Variants in PFKFB3 observed in about 807,000 individuals in gnomAD.
The protein encoded by PFKFB3 is 6-phosphofructo-2-kinase/fructose-2,6-bisphosphatase 3.
PFKFB3 carries 33 observed loss-of-function variants against 68.0 expected under a neutral mutation model. The observed-to-expected ratio is 0.49, with a 90% CI of 0.37 to 0.65. The LOEUF (loss-of-function observed/expected upper bound fraction) is 0.65, where lower values mean the gene tolerates loss of function less well. Ranked by LOEUF, PFKFB3 falls within the 30% of genes least tolerant of loss-of-function variation. PFKFB3 has a pLI of 0.00. For missense variants in PFKFB3, 586 were observed against 712.2 expected, an observed-to-expected ratio of 0.82 and a Z score of 2.02; for synonymous variants, 315 against 288.2, an observed-to-expected ratio of 1.09 and a Z score of -0.94.
chr10:6,308,042 T>C, the PFKFB3 span, among the ~76,000 whole-genome samples: 18 of 152,240 alleles, frequency 1.2e-4, no homozygotes, highest in African/African-American at 3.9e-4. Flanking sequence ...GGCACCTTCA[T>C]ATGGGACTTC....
the PFKFB3 span, among the ~76,000 whole-genome samples, chr10:6,287,778 C>T: frequency 2.6e-4 from 40 of 152,024 alleles, no homozygotes; most frequent in African/African-American, 9.4e-4. Context: ...TACATTATTA[C>T]TATTATTATT....
intron 1 of PFKFB3, among the ~76,000 whole-genome samples, chr10:6,176,684 C>T (rs1842484333): frequency 6.6e-6 from 1 of 152,202 alleles, no homozygotes; most frequent in Non-Finnish European, 1.5e-5. Flanking sequence ...CCACACCCGG[C>T]CTCCATGTTA....
At chr10:6,166,117 T>A (rs146582915) in intron 1 of PFKFB3, among the ~76,000 whole-genome samples, 1,632 of 152,104 alleles carry the variant, frequency 0.011, 67 homozygotes, top group East Asian at 0.098. Context: ...GTAGCTGGGA[T>A]TACAGGTGCC....
At chr10:6,163,525 A>AG (rs1335824232) in intron 1 of PFKFB3, among the ~76,000 whole-genome samples, 2 of 151,938 alleles carry the variant, frequency 1.3e-5, no homozygotes, top group Non-Finnish European at 2.9e-5. Flanking sequence ...GCTGGGAGGT[A>AG]GGGGGGCCAG....
At chr10:6,298,372 C>CT in the PFKFB3 span, among the ~76,000 whole-genome samples, 8 of 139,656 alleles carry the variant, frequency 5.7e-5, no homozygotes, top group African/African-American at 1.1e-4. Flanking sequence ...GTTCAGGGCA[C>CT]TTTTTTTTTT....
At chr10:6,180,707 C>T (rs1175763440) in intron 1 of PFKFB3, among the ~76,000 whole-genome samples, 1 of 152,162 alleles carries the variant, frequency 6.6e-6, no homozygotes, top group Non-Finnish European at 1.5e-5. Context: ...TCAAGCAGTC[C>T]TCTCACCTCA....
chr10:6,220,214 G>GC lies in PFKFB3; in HGVS notation c.624-442dup, dbSNP rs34239981. 0.17 allele frequency among the ~76,000 whole-genome samples: 25,237 copies of GC among 151,744 alleles called. 2,454 individuals are homozygous for GC. The highest frequency in any genetic ancestry group is 0.26 in the African/African-American group (10,756 of 41,312). On this transcript the variant is annotated intron_variant, in intron 7 of 14. Transcript: ENST00000379775. The surrounding 1 kb of genome is among the most constrained non-coding windows in gnomAD (Gnocchi z 4.1). ...ACTTCTGGGCTCAAGTAATCCTACC[G>GC]CCTCAGCCTCATGAGTAACTGGGAC...
chr10:6,270,508 C>T, the PFKFB3 span, among the ~76,000 whole-genome samples: 2 of 152,292 alleles, frequency 1.3e-5, no homozygotes, highest in South Asian at 4.1e-4. Flanking sequence ...TCTTGCCTGT[C>T]TCTCTAGCCT....
chr10:6,277,504 A>G, the PFKFB3 span, among the ~76,000 whole-genome samples: 5 of 152,274 alleles, frequency 3.3e-5, no homozygotes, highest in African/African-American at 9.6e-5. Context: ...TACAGGTGTG[A>G]GCCACCACAC....
intron 1 of PFKFB3, among the ~76,000 whole-genome samples, chr10:6,145,282 G>A (rs1841343620): frequency 6.6e-6 from 1 of 150,806 alleles, no homozygotes; most frequent in African/African-American, 2.4e-5. Flanking sequence ...CTCCGGCCTC[G>A]CGTCTCCTTT....
At chr10:6,297,581 A>G in the PFKFB3 span, among the ~76,000 whole-genome samples, 1 of 152,070 alleles carries the variant, frequency 6.6e-6, no homozygotes, top group African/African-American at 2.4e-5. Context: ...GAGGGAAGCA[A>G]GACGTTTACT....
rs770743591 is a variant in PFKFB3 at position 6,229,143 on chromosome 10, G to C, written c.1515+2778G>C. 2.0e-6 allele frequency: 1 copy of C among 512,376 alleles called. No individual in the cohort carries two copies. Among genetic ancestry groups the C allele is most frequent in the Non-Finnish European group, 4.0e-6 (1 of 249,540 alleles). 31.7% of individuals were successfully genotyped at this position (512,376 alleles called of 1,614,324 possible). On this transcript the variant is annotated intron_variant, in intron 14 of 14. Coordinates refer to ENST00000379775, the MANE Select transcript of PFKFB3 (RefSeq NM_004566.4). The surrounding 1 kb of genome is among the most constrained non-coding windows in gnomAD (Gnocchi z 4.3). Reference sequence around the variant, plus strand: ...AGGTGTGATGAGGAATGCAGCCTGAGATGCTGAAAAGAATGACTGGCTTTG... The same window carrying C: ...AGGTGTGATGAGGAATGCAGCCTGACATGCTGAAAAGAATGACTGGCTTTG...
At position 6,230,865 on chromosome 10, in the gene PFKFB3, G is replaced by A. The variant is rs185598654; in HGVS notation, c.1516-2030G>A. Among the ~76,000 whole-genome samples, 265 of 152,156 alleles carry A rather than the reference G, an allele frequency of 1.7e-3. 1 individual carries two copies. Among genetic ancestry groups the A allele is most frequent in the African/African-American group, 6.1e-3 (255 of 41,508 alleles). On this transcript the variant is annotated intron_variant, in intron 14 of 14. Transcript: ENST00000379775. ...CGAGTAGCTGGGATTACAGGCGCCCGCCACCATGCCCGGCTAATGTTTGTA... is the reference window on the plus strand; with the variant it reads ...CGAGTAGCTGGGATTACAGGCGCCCACCACCATGCCCGGCTAATGTTTGTA...
At chr10:6,171,683 A>G (rs1299828235) in intron 1 of PFKFB3, among the ~76,000 whole-genome samples, 2 of 152,228 alleles carry the variant, frequency 1.3e-5, no homozygotes, top group Admixed American at 1.3e-4. Context: ...GTGAGCCACC[A>G]CTGCTGGCCT....
intron 1 of PFKFB3, among the ~76,000 whole-genome samples, chr10:6,203,944 C>T (rs1041516191): frequency 5.3e-5 from 8 of 152,228 alleles, no homozygotes; most frequent in Admixed American, 5.2e-4. Flanking sequence ...TCTCCAGTGC[C>T]ATGGGGGCGC....
chr10:6,197,104 C>T (rs1843198949), intron 1 of PFKFB3, among the ~76,000 whole-genome samples: 1 of 151,074 alleles, frequency 6.6e-6, no homozygotes, highest in Non-Finnish European at 1.5e-5. Context: ...CCTGCCTCAG[C>T]CTCCCAAGTA....
chr10:6,255,111 C>T (rs1316407976), downstream of PFKFB3, among the ~76,000 whole-genome samples: 3 of 150,378 alleles, frequency 2.0e-5, no homozygotes, highest in South Asian at 2.1e-4. Flanking sequence ...GCCACTGGAC[C>T]TGGCCAATCT....
At chr10:6,159,206 C>T (rs982354769) in intron 1 of PFKFB3, among the ~76,000 whole-genome samples, 1 of 151,688 alleles carries the variant, frequency 6.6e-6, no homozygotes, top group African/African-American at 2.4e-5. Flanking sequence ...ATCAGCCTGC[C>T]CAACATGGTG....
upstream of PFKFB3, chr10:6,202,534 C>G (rs1158893948): frequency 6.5e-5 from 10 of 152,738 alleles, no homozygotes; most frequent in East Asian, 1.3e-3. Context: ...GCACTTTAAG[C>G]AGCTTCCCAA....
Sources: gnomAD v4.1 joint callset for allele counts (sites outside exome capture counted in the v4.1 genomes callset) on GRCh38, gnomAD v4.1.1 for gene constraint, Gnocchi (gnomAD v3.1) non-coding constraint, MANE v1.5 for transcripts, NCBI Gene and HGNC (gene_info 2026-07-23, HGNC 2026-07-21) for gene names.